The following TAF3 variants were observed in gnomAD, a reference collection of about 807,000 sequenced individuals.
TAF3 encodes transcription initiation factor TFIID subunit 3.
A neutral mutation model predicts 80.6 loss-of-function variants in TAF3; 7 were observed. That is an observed-to-expected ratio of 0.09 (90% CI 0.05 to 0.16). TAF3 has a LOEUF of 0.16. Among genes scored for constraint, TAF3 ranks in the 10% least tolerant of loss-of-function variants. The pLI is 1.00. For synonymous variants in TAF3, 444 were observed against 446.1 expected, an observed-to-expected ratio of 1.00 and a Z score of 0.06; for missense variants, 921 against 1,140.2, an observed-to-expected ratio of 0.81 and a Z score of 2.77.
intron 4 of TAF3, among the ~76,000 whole-genome samples, chr10:7,991,855 A>T (rs557340196): frequency 2.6e-5 from 4 of 152,344 alleles, no homozygotes; most frequent in African/African-American, 9.6e-5. Flanking sequence ...TTCAGTAATA[A>T]CTGAATTTTA....
chr10:7,967,531 G>A (rs1214667770), intron 3 of TAF3, among the ~76,000 whole-genome samples: 1 of 152,126 alleles, frequency 6.6e-6, no homozygotes, highest in Non-Finnish European at 1.5e-5. Context: ...AGTTTTGCTG[G>A]GCTATGGAGC....
chr10:7,848,417 G>T (rs2131122830), intron 2 of TAF3, among the ~76,000 whole-genome samples: 1 of 152,276 alleles, frequency 6.6e-6, no homozygotes, highest in East Asian at 1.9e-4. Context: ...TTCATGTACA[G>T]TGTGTTCAGA....
intron 3 of TAF3, among the ~76,000 whole-genome samples, chr10:7,972,376 CAAGTT>C (rs1247652030): frequency 6.6e-6 from 1 of 152,158 alleles, no homozygotes; most frequent in African/African-American, 2.4e-5. Flanking sequence ...TGAATTTTCT[CAAGTT>C]AAATCTAATT....
intron 2 of TAF3, among the ~76,000 whole-genome samples, chr10:7,963,476 A>C (rs533669198): frequency 6.6e-6 from 1 of 152,260 alleles, no homozygotes; most frequent in Non-Finnish European, 1.5e-5. Flanking sequence ...TCTTTTAAGA[A>C]TGATGGCACA....
At chr10:7,874,995 A>G (rs761851300) in intron 2 of TAF3, among the ~76,000 whole-genome samples, 1 of 152,018 alleles carries the variant, frequency 6.6e-6, no homozygotes, top group Non-Finnish European at 1.5e-5. Context: ...TAATCCTTCA[A>G]AATGTGCTGT....
intron 2 of TAF3, among the ~76,000 whole-genome samples, chr10:7,852,396 C>T (rs1269448750): frequency 6.6e-6 from 1 of 152,094 alleles, no homozygotes; most frequent in Non-Finnish European, 1.5e-5. Flanking sequence ...TGATCTCTCT[C>T]CCTCTCTCAT....
chr10:7,893,274 T>C (rs1413827542), intron 2 of TAF3, among the ~76,000 whole-genome samples: 1 of 152,250 alleles, frequency 6.6e-6, no homozygotes, highest in East Asian at 1.9e-4. Context: ...AAGAAAGCTT[T>C]GTTATTTAAT....
At chr10:7,840,486 C>T in intron 2 of TAF3, among the ~76,000 whole-genome samples, 1 of 150,844 alleles carries the variant, frequency 6.6e-6, no homozygotes, top group Non-Finnish European at 1.5e-5. Context: ...ACTATAAACA[C>T]CAAATTTGTC....
intron 2 of TAF3, among the ~76,000 whole-genome samples, chr10:7,924,124 C>T (rs993111590): frequency 3.3e-5 from 5 of 152,170 alleles, no homozygotes; most frequent in African/African-American, 1.2e-4. Context: ...GACACGATTA[C>T]GTTTGAATAC....
intron 2 of TAF3, among the ~76,000 whole-genome samples, chr10:7,954,263 T>C (rs1838112969): frequency 2.2e-5 from 3 of 137,274 alleles, no homozygotes; most frequent in African/African-American, 5.2e-5. Flanking sequence ...GGTGAATGAG[T>C]GGATTAGTCC....
At chr10:7,871,934 A>G (rs1837270341) in intron 2 of TAF3, among the ~76,000 whole-genome samples, 1 of 152,254 alleles carries the variant, frequency 6.6e-6, no homozygotes, top group Non-Finnish European at 1.5e-5. Flanking sequence ...TCTTTTAGCC[A>G]GATGATATAT....
chr10:7,856,887 A>C (rs1255270242), intron 2 of TAF3, among the ~76,000 whole-genome samples: 1 of 152,000 alleles, frequency 6.6e-6, no homozygotes, highest in East Asian at 1.9e-4. Context: ...AAAAGCAGAA[A>C]GAATGCTTCA....
rs1837116073 is a variant in TAF3, at chr10:7,859,089, C to T, written c.409+34529C>T. 2.0e-5 allele frequency among the ~76,000 whole-genome samples: 3 copies of T among 151,896 alleles called. No individual in the cohort carries two copies. In the South Asian group the frequency reaches 6.2e-4, roughly 32 times the overall value. ...CATCCTGGCTAACACGGTGAAACCC[C>T]GTCTCTACTAAAAATACAAAAAATT... On this transcript the variant is annotated intron_variant, in intron 2 of 6. Transcript: ENST00000344293.
At chr10:7,916,112 A>G (rs752131937) in intron 2 of TAF3, among the ~76,000 whole-genome samples, 1 of 152,168 alleles carries the variant, frequency 6.6e-6, no homozygotes, top group Non-Finnish European at 1.5e-5. Context: ...CTCTTAACCC[A>G]AAGTGTTTGG....
chr10:7,860,808 T>G (rs11594671), intron 2 of TAF3, among the ~76,000 whole-genome samples: 1 of 150,898 alleles, frequency 6.6e-6, no homozygotes, highest in African/African-American at 2.4e-5. Flanking sequence ...TTCTTTCTTT[T>G]TTTTTTTTTG....
intron 2 of TAF3, among the ~76,000 whole-genome samples, chr10:7,888,092 T>C (rs963463302): frequency 6.6e-6 from 1 of 152,118 alleles, no homozygotes; most frequent in Non-Finnish European, 1.5e-5. Context: ...GCTCTTTCTC[T>C]CCACTGGCTC....
At chr10:7,869,048 C>T (rs1837241159) in intron 2 of TAF3, among the ~76,000 whole-genome samples, 1 of 152,082 alleles carries the variant, frequency 6.6e-6, no homozygotes, top group African/African-American at 2.4e-5. Flanking sequence ...TAAAACAATA[C>T]ATCGTAGAAC....
chr10:7,891,738 G>C (rs1837458757), intron 2 of TAF3, among the ~76,000 whole-genome samples: 1 of 152,160 alleles, frequency 6.6e-6, no homozygotes, highest in South Asian at 2.1e-4. Context: ...TACCTCCCAG[G>C]AGAGCTTTGA....
rs1838179734 is a variant in TAF3 at position 7,960,520 on chromosome 10, G to T, written c.410-3400G>T. On this transcript the variant is annotated intron_variant, in intron 2 of 6. Transcript: ENST00000344293. ...GAATAGGTAATACTTGAGAGCCTTA[G>T]AAGTCGCCAACATGTTAGGAAGGAA... 2.0e-5 allele frequency among the ~76,000 whole-genome samples: 3 copies of T among 152,306 alleles called. No individual in the cohort carries two copies. In the South Asian group the frequency reaches 6.2e-4, roughly 32 times the overall value.
Sources: allele counts gnomAD v4.1 joint callset (sites outside exome capture counted in the v4.1 genomes callset), GRCh38; gene constraint gnomAD v4.1.1; transcripts MANE v1.5; gene names NCBI Gene and HGNC (gene_info 2026-07-23, HGNC 2026-07-21).